Variants in PCYT2 observed in about 807,000 individuals in gnomAD.
PCYT2 encodes the protein phosphate cytidylyltransferase 2, ethanolamine.
In PCYT2, 33 loss-of-function variants were observed where a neutral mutation model predicts 50.0. The ratio of observed to expected loss-of-function variants is 0.66; its 90% CI spans 0.50 to 0.88. PCYT2 has a LOEUF of 0.88. Among genes scored for constraint, PCYT2 ranks in the 40% least tolerant of loss-of-function variants. The pLI is 0.00. For missense variants in PCYT2, 430 were observed against 519.7 expected, an observed-to-expected ratio of 0.83 and a Z score of 1.68; for synonymous variants, 240 against 203.7, an observed-to-expected ratio of 1.18 and a Z score of -1.52.
rs529006551 is a variant in PCYT2, at chr17:81,905,278, G to A, written c.969+104C>T. 13 of 1,312,578 alleles carry A rather than the reference G, an allele frequency of 9.9e-6. No homozygotes were observed. In the South Asian group the frequency reaches 1.6e-4, roughly 17 times the overall value. The allele number at this position is 1,312,578 out of a possible 1,614,324, so 81.3% of individuals were successfully genotyped here. A position where few individuals can be genotyped will look rare whatever the true frequency, so the allele number is the denominator to read the frequency against. The stretch of plus-strand genomic sequence containing the variant: ...CCATGGGAGTGGTGCAGTCGGAGCA[G>A]CTGCGCCACCATGCCCGTTTCCCAG... On this transcript the variant is annotated intron_variant, in intron 11 of 12. Transcript: ENST00000538936.
intron 6 of PCYT2, chr17:81,907,271 G>C: frequency 6.5e-7 from 1 of 1,530,346 alleles, no homozygotes. Context: ...CAATGGGAGA[G>C]AGGGCCAGGC....
Position 81,902,819 on chromosome 17 carries a change from CCGGCGCGGGATGGCG to C in PCYT2, c.*1999_*2013del, listed in dbSNP as rs2040015638. 7.0e-7 allele frequency: 1 copy of C among 1,425,856 alleles called. No individual in the cohort carries two copies. Among genetic ancestry groups the C allele is most frequent in the South Asian group, 1.3e-5 (1 of 74,124 alleles). The allele number at this position is 1,425,856 out of a possible 1,614,324, so 88.3% of individuals were successfully genotyped here. A position where few individuals can be genotyped will look rare whatever the true frequency, so the allele number is the denominator to read the frequency against. On this transcript the variant is annotated 3_prime_UTR_variant, in exon 13 of 13. Coordinates refer to ENST00000538936, the MANE Select transcript of PCYT2 (RefSeq NM_002861.5). The stretch of plus-strand genomic sequence containing the variant: ...TCCCACTCGGTGACCCCAGGCCCCT[CCGGCGCGGGATGGCG>C]CCCCAGGTCTCCCCTACTCCGCTCA...
At position 81,904,857 on chromosome 17, in the gene PCYT2, C is replaced by T; in HGVS notation, c.1146G>A (p.Leu382=). The T allele has an allele frequency of 6.2e-7, 1 of 1,612,370 alleles. No individual in the cohort carries two copies. Among genetic ancestry groups the T allele is most frequent in the South Asian group, 1.1e-5 (1 of 91,014 alleles). ...GTTAGAAGTCACCATCGCGCTCCCC[C>T]AGGGGCTGTGCCGCCTGCTGCCTGG... ...EAARQQAAQP[L]GERDGDF is the part of the protein sequence containing the mutation. Residue 382 remains leucine (L), a synonymous_variant, in exon 13 of 13, where the codon CTG becomes CTA. Transcript: ENST00000538936.
Position 81,902,136 on chromosome 17 carries a change from C to A in PCYT2, c.*2697G>T. 1 of 755,370 alleles carries A rather than the reference C, an allele frequency of 1.3e-6. No homozygotes were observed. The highest frequency in any genetic ancestry group is 1.7e-6 in the Non-Finnish European group (1 of 571,632). 46.8% of individuals were successfully genotyped at this position (755,370 alleles called of 1,614,324 possible). On this transcript the variant is annotated 3_prime_UTR_variant, in exon 13 of 13. Coordinates refer to ENST00000538936, the MANE Select transcript of PCYT2 (RefSeq NM_002861.5). ...GCGGAGGTGCGACGGCTCCTCCGCGCGCGCCCGCTGCACCCCAGCCCGCCC... is the reference window on the plus strand; with the variant it reads ...GCGGAGGTGCGACGGCTCCTCCGCGAGCGCCCGCTGCACCCCAGCCCGCCC...
rs1479868629 is a variant in PCYT2 at position 81,903,050 on chromosome 17, C to T, written c.*1783G>A. 5.0e-6 allele frequency: 2 copies of T among 396,752 alleles called. No individual in the cohort carries two copies. The highest frequency in any genetic ancestry group is 9.0e-6 in the Non-Finnish European group (2 of 223,272). 24.6% of individuals were successfully genotyped at this position (396,752 alleles called of 1,614,324 possible). On this transcript the variant is annotated 3_prime_UTR_variant, in exon 13 of 13. Transcript: ENST00000538936. ...GCCCAGAGGTCTTCAGACCCAGGGG[C>T]GAAGCTGGCCACGACCCAGCCCCGC...
At position 81,906,539 on chromosome 17, in the gene PCYT2, C is replaced by T; in HGVS notation, c.684G>A (p.Gly228=). The T allele has an allele frequency of 6.2e-7, 1 of 1,613,468 alleles. No individual in the cohort carries two copies. Among genetic ancestry groups the T allele is most frequent in the Non-Finnish European group, 8.5e-7 (1 of 1,179,900 alleles). The change falls in exon 8 of 13, where the codon GGG becomes GGA. Residue 228 remains glycine (G), a synonymous_variant. Transcript: ENST00000538936. The part of the protein sequence containing the change: ...VAGAFDLFHI[G]HVDFLEKVHR... ...GCACCTTCTCCAGGAAGTCCACATGCCCGATGTCTGCACCCAGGTTAAGAA... is the reference window on the plus strand; with the variant it reads ...GCACCTTCTCCAGGAAGTCCACATGTCCGATGTCTGCACCCAGGTTAAGAA...
chr17:81,909,773 C>T (rs1015037534), intron 1 of PCYT2, among the ~76,000 whole-genome samples, 171 bp from the exon 2 acceptor site: 2 of 152,172 alleles, frequency 1.3e-5, no homozygotes, highest in African/African-American at 4.8e-5. Flanking sequence ...CTCAGCTCTC[C>T]ACCCCACTGG....
At position 81,903,237 on chromosome 17, in the gene PCYT2, C is replaced by G. The variant is rs1230069691; in HGVS notation, c.*1596G>C. The G allele has an allele frequency of 6.2e-6, 1 of 160,322 alleles. No homozygotes were observed. Among genetic ancestry groups the G allele is most frequent in the Non-Finnish European group, 1.4e-5 (1 of 73,876 alleles). 9.9% of individuals were successfully genotyped at this position (160,322 alleles called of 1,614,324 possible). A position where few individuals can be genotyped will look rare whatever the true frequency, so the allele number is the denominator to read the frequency against. ...GGCTGCCTTCCTCTTGCCCCCATCC[C>G]TTCTGGCCAGGCCAAGTCCGAGGGT... On this transcript the variant is annotated 3_prime_UTR_variant, in exon 13 of 13. Transcript: ENST00000538936.
rs1245380790 is a variant in PCYT2 at position 81,911,274 on chromosome 17, C to A, written c.82G>T (p.Asp28Tyr). Residue 28 changes from aspartate to tyrosine, a missense_variant, in exon 1 of 13, where the codon GAT (aspartate) becomes TAT (tyrosine). This residue lies in a region of PCYT2 where 63 missense variants were observed against 37.5 expected (regional missense o/e 1.68). Coordinates refer to ENST00000538936, the MANE Select transcript of PCYT2 (RefSeq NM_002861.5). ...CCCCGGCCCCGCGCTCACCAGCCAT[C>A]GCACCACACCCTCACGGCGCGCCTG... ...GGRRAVRVWC[D>Y]GCYDMVHYGH... 2 of 1,096,438 alleles carry A rather than the reference C, an allele frequency of 1.8e-6. No individual in the cohort carries two copies. The highest frequency in any genetic ancestry group is 2.8e-5 in the South Asian group (1 of 36,134). 67.9% of individuals were successfully genotyped at this position (1,096,438 alleles called of 1,614,324 possible).
intron 1 of PCYT2, among the ~76,000 whole-genome samples, chr17:81,910,613 C>G (rs1183514515): frequency 1.3e-5 from 2 of 152,204 alleles, no homozygotes; most frequent in Non-Finnish European, 2.9e-5. Flanking sequence ...CCAGAGGTGA[C>G]TCGGACACAG....
rs2040000461 is a variant in PCYT2, at chr17:81,902,615, C to G, written c.*2218G>C. 6.3e-7 allele frequency: 1 copy of G among 1,580,890 alleles called. No individual in the cohort carries two copies. Among genetic ancestry groups the G allele is most frequent in the Non-Finnish European group, 8.6e-7 (1 of 1,167,936 alleles). Reference sequence around the variant, plus strand: ...CCCCTCAGCCTTTGCTTGCCTGCCCCCCAGGCTGTGTGCGTCCAGGACGTC... The same window carrying G: ...CCCCTCAGCCTTTGCTTGCCTGCCCGCCAGGCTGTGTGCGTCCAGGACGTC... On this transcript the variant is annotated 3_prime_UTR_variant, in exon 13 of 13. Transcript: ENST00000538936.
intron 2 of PCYT2, 29 bp downstream of exon 2, chr17:81,909,485 C>A: frequency 6.3e-7 from 1 of 1,592,218 alleles, no homozygotes; most frequent in South Asian, 1.1e-5. Context: ...GCTGGGGGGC[C>A]GCGGGTGGGC....
chr17:81,905,451 GAGA>G lies in PCYT2; in HGVS notation c.904-7_904-5del. 2 of 1,564,924 alleles carry G rather than the reference GAGA, an allele frequency of 1.3e-6. No individual in the cohort carries two copies. The highest frequency in any genetic ancestry group is 1.7e-6 in the Non-Finnish European group (2 of 1,154,744). ...TGCCGTGACACACCAGGTCCACCTGGAGAAGGAGTGGGGTCAGGAGCCCTCCCC... is the reference window on the plus strand; with the variant it reads ...TGCCGTGACACACCAGGTCCACCTGGAGGAGTGGGGTCAGGAGCCCTCCCC... On this transcript the variant is annotated splice_polypyrimidine_tract_variant and splice_region_variant and intron_variant, in intron 10 of 12. Coordinates refer to ENST00000538936, the MANE Select transcript of PCYT2 (RefSeq NM_002861.5).
intron 9 of PCYT2, 67 bp from the exon 10 acceptor site, chr17:81,905,802 T>A: frequency 6.6e-7 from 1 of 1,519,430 alleles, no homozygotes; most frequent in Non-Finnish European, 9.1e-7. Flanking sequence ...GGCCACAGGG[T>A]GGTGAGAGAC....
At position 81,902,132 on chromosome 17, in the gene PCYT2, C is replaced by G; in HGVS notation, c.*2701G>C. 6.9e-6 allele frequency: 5 copies of G among 721,602 alleles called. No individual in the cohort carries two copies. The highest frequency in any genetic ancestry group is 9.2e-6 in the Non-Finnish European group (5 of 541,218). 44.7% of individuals were successfully genotyped at this position (721,602 alleles called of 1,614,324 possible). On this transcript the variant is annotated 3_prime_UTR_variant, in exon 13 of 13. Coordinates refer to ENST00000538936, the MANE Select transcript of PCYT2 (RefSeq NM_002861.5). ...GGATGCGGAGGTGCGACGGCTCCTC[C>G]GCGCGCGCCCGCTGCACCCCAGCCC...
At chr17:81,906,571 G>C (rs779186791) in intron 7 of PCYT2, 25 bp from the exon 8 acceptor site, 3 of 1,608,402 alleles carry the variant, frequency 1.9e-6, no homozygotes, top group Non-Finnish European at 2.6e-6. Flanking sequence ...AGAAGCAGTC[G>C]GGATGGGGAT....
At chr17:81,904,995 G>C (rs772470146) in intron 12 of PCYT2, 51 bp from the exon 13 acceptor site, 3 of 1,587,804 alleles carry the variant, frequency 1.9e-6, no homozygotes, top group South Asian at 2.2e-5. Context: ...GCGGCTCCGA[G>C]GGGGAGGGCA....
chr17:81,902,254 G>A lies in PCYT2; in HGVS notation c.*2579C>T. On this transcript the variant is annotated 3_prime_UTR_variant, in exon 13 of 13. Coordinates refer to ENST00000538936, the MANE Select transcript of PCYT2 (RefSeq NM_002861.5). ...GGCTGCTCCGAGCCCGGACGCCGCC[G>A]CCCACCAGTCAGCCGGCGTCCCCAT... 1.6e-6 allele frequency: 2 copies of A among 1,233,852 alleles called. No individual in the cohort carries two copies. Among genetic ancestry groups the A allele is most frequent in the Non-Finnish European group, 2.0e-6 (2 of 989,104 alleles). The allele number at this position is 1,233,852 out of a possible 1,614,324, so 76.4% of individuals were successfully genotyped here.
rs554769324 is a variant in PCYT2, at chr17:81,903,126, G to A, written c.*1707C>T. The stretch of plus-strand genomic sequence containing the variant: ...CTCCCTGGGGGAAGTGCAGGGCCAC[G>A]GCTGGCCCGGTTCCCAGTGTCCTCC... On this transcript the variant is annotated 3_prime_UTR_variant, in exon 13 of 13. Coordinates refer to ENST00000538936, the MANE Select transcript of PCYT2 (RefSeq NM_002861.5). 8 of 244,422 alleles carry A rather than the reference G, an allele frequency of 3.3e-5. No individual in the cohort carries two copies. Among genetic ancestry groups the A allele is most frequent in the African/African-American group, 1.6e-4 (7 of 44,742 alleles). 15.1% of individuals were successfully genotyped at this position (244,422 alleles called of 1,614,324 possible).
Sources: allele counts gnomAD v4.1 joint callset (sites outside exome capture counted in the v4.1 genomes callset), GRCh38; gene constraint gnomAD v4.1.1; regional missense constraint gnomAD v4.1.1; transcripts MANE v1.5; gene names NCBI Gene and HGNC (gene_info 2026-07-23, HGNC 2026-07-21).